Variants in TENT5B observed in about 807,000 individuals in gnomAD.
TENT5B encodes the protein terminal nucleotidyltransferase 5B, also known as family with sequence similarity 46 member B.
In TENT5B, 12 loss-of-function variants were observed where a neutral mutation model predicts 21.7. The ratio of observed to expected loss-of-function variants is 0.55; its 90% CI spans 0.36 to 0.90. TENT5B has a LOEUF of 0.90. Among genes scored for constraint, TENT5B ranks in the 40% least tolerant of loss-of-function variants. TENT5B has a pLI of 0.01. For missense variants in TENT5B, 540 were observed against 601.5 expected (o/e 0.90, Z 1.07); for synonymous variants, 262 against 266.6 (o/e 0.98, Z 0.17).
intron 1 of TENT5B, among the ~76,000 whole-genome samples, chr1:27,007,997 C>T (rs1299913436): frequency 3.9e-5 from 6 of 152,088 alleles, no homozygotes; most frequent in African/African-American, 1.4e-4. Context: ...CTTACAAGGA[C>T]CCAGTGAGGC....
chr1:27,008,175 A>G (rs1364259914), intron 1 of TENT5B, among the ~76,000 whole-genome samples: 1 of 152,164 alleles, frequency 6.6e-6, no homozygotes, highest in Non-Finnish European at 1.5e-5. Context: ...GGTAGGGAGA[A>G]GAGTGAAGCT....
chr1:27,011,353 G>A (rs961102972), intron 1 of TENT5B, among the ~76,000 whole-genome samples: 1 of 152,188 alleles, frequency 6.6e-6, no homozygotes, highest in African/African-American at 2.4e-5. Flanking sequence ...TGGCAGGAAC[G>A]CACAGGAGTC....
In TENT5B at chr1:27,006,141, C is replaced by G. The variant is rs764760352; in HGVS notation, c.1081G>C (p.Glu361Gln). ...ATGAGGTCCAGCGTCTGGCGGCGCT[C>G]GTGGTTCATGAGGCACACGGTGCTC... ...NESTVCLMNHERRQTLDLIAA... is the reference protein window; with the variant it reads ...NESTVCLMNHQRRQTLDLIAA... Residue 361 changes from glutamate to glutamine, a missense_variant, in exon 2 of 2, where the codon GAG becomes CAG. Coordinates refer to ENST00000289166, the MANE Select transcript of TENT5B (RefSeq NM_052943.4). This position sits in a 1 kb window ranked among gnomAD's most constrained non-coding sequence, Gnocchi z 9.4. 4 of 1,607,936 alleles carry G rather than the reference C, an allele frequency of 2.5e-6. No individual in the cohort carries two copies. Among genetic ancestry groups the G allele is most frequent in the African/African-American group, 1.3e-5 (1 of 74,976 alleles).
At chr1:27,007,046 C>A in intron 1 of TENT5B, 89 bp from the exon 2 acceptor site, 1 of 1,246,306 alleles carries the variant, frequency 8.0e-7, no homozygotes, top group Non-Finnish European at 1.1e-6. Context: ...GTAACTTCAA[C>A]CACTATTGGC....
chr1:27,012,660 G>T lies in TENT5B; in HGVS notation c.11C>A (p.Ser4Ter), dbSNP rs1428066175. 2.9e-5 allele frequency: 42 copies of T among 1,468,870 alleles called. No homozygotes were observed. Among genetic ancestry groups the T allele is most frequent in the Non-Finnish European group, 3.1e-5 (35 of 1,123,460 alleles). 91.0% of individuals were successfully genotyped at this position (1,468,870 alleles called of 1,614,324 possible). Residue 4 changes from serine to a stop codon, truncating the protein, a stop_gained, in exon 1 of 2, where the codon TCG (serine) becomes TAG (stop). Coordinates refer to ENST00000289166, the MANE Select transcript of TENT5B (RefSeq NM_052943.4). LOFTEE classifies it high-confidence loss of function. MMP[S>*]ESGAERRDRA... Reference sequence around the variant, plus strand: ...GTCCCTGCGCTCAGCTCCGCTCTCCGACGGCATCATCCGCCCGGCCCCCGG... The same window carrying T: ...GTCCCTGCGCTCAGCTCCGCTCTCCTACGGCATCATCCGCCCGGCCCCCGG...
intron 1 of TENT5B, among the ~76,000 whole-genome samples, chr1:27,008,189 G>A (rs1001747447): frequency 5.3e-5 from 8 of 152,074 alleles, no homozygotes; most frequent in Non-Finnish European, 1.2e-4. Flanking sequence ...TGAAGCTGGG[G>A]GTTGGGGACA....
intron 1 of TENT5B, among the ~76,000 whole-genome samples, chr1:27,009,136 A>C (rs1187722602): frequency 6.6e-6 from 1 of 151,044 alleles, no homozygotes; most frequent in African/African-American, 2.4e-5. Context: ...ACACCCAGCA[A>C]TTTTTTATTG....
chr1:27,010,642 C>T (rs2082619366), intron 1 of TENT5B, among the ~76,000 whole-genome samples: 1 of 152,192 alleles, frequency 6.6e-6, no homozygotes. Context: ...AGAGAATTGA[C>T]AACAAACAGT....
chr1:27,005,906 G>T lies in TENT5B; in HGVS notation c.*38C>A. 6.6e-7 allele frequency: 1 copy of T among 1,515,342 alleles called. No homozygotes were observed. The highest frequency in any genetic ancestry group is 1.3e-5 in the South Asian group (1 of 75,406). The allele number at this position is 1,515,342 out of a possible 1,614,324, so 93.9% of individuals were successfully genotyped here. A position where few individuals can be genotyped will look rare whatever the true frequency, so the allele number is the denominator to read the frequency against. Reference sequence around the variant, plus strand: ...ACTCTTGGAGGCCCCACCCCACCCCGTGAGGCCCAGTCCCTTCCCTTCTGG... The same window carrying T: ...ACTCTTGGAGGCCCCACCCCACCCCTTGAGGCCCAGTCCCTTCCCTTCTGG... On this transcript the variant is annotated 3_prime_UTR_variant, in exon 2 of 2. Transcript: ENST00000289166.
At chr1:27,010,861 G>A (rs550230679) in intron 1 of TENT5B, among the ~76,000 whole-genome samples, 27 of 152,342 alleles carry the variant, frequency 1.8e-4, no homozygotes, top group African/African-American at 6.5e-4. Flanking sequence ...TGGAGGCTGA[G>A]TCCTAGTCAC....
intron 1 of TENT5B, among the ~76,000 whole-genome samples, chr1:27,011,760 G>A (rs2082624466): frequency 1.3e-5 from 2 of 152,178 alleles, no homozygotes; most frequent in African/African-American, 4.8e-5. Flanking sequence ...TTCCAATCTT[G>A]GGAAGGAGAA....
At chr1:27,007,866 A>G (rs1175699508) in intron 1 of TENT5B, among the ~76,000 whole-genome samples, 2 of 152,180 alleles carry the variant, frequency 1.3e-5, no homozygotes. Context: ...GGAGGACCTC[A>G]GGTGCAGAGA....
chr1:27,012,710 G>C lies in TENT5B; in HGVS notation c.-40C>G. On this transcript the variant is annotated 5_prime_UTR_variant, in exon 1 of 2. Coordinates refer to ENST00000289166, the MANE Select transcript of TENT5B (RefSeq NM_052943.4). ...GGCCCCGACGGCAGAAACCGTGGGG[G>C]TGGTTAAGGGGAGGAGGACAGGGAG... The C allele has an allele frequency of 6.9e-7, 1 of 1,441,894 alleles. No individual in the cohort carries two copies. The highest frequency in any genetic ancestry group is 9.0e-7 in the Non-Finnish European group (1 of 1,111,784). The allele number at this position is 1,441,894 out of a possible 1,614,324, so 89.3% of individuals were successfully genotyped here. A position where few individuals can be genotyped will look rare whatever the true frequency, so the allele number is the denominator to read the frequency against.
intron 1 of TENT5B, among the ~76,000 whole-genome samples, chr1:27,012,015 C>A (rs1201799348): frequency 1.3e-5 from 2 of 152,244 alleles, no homozygotes; most frequent in East Asian, 1.9e-4. Context: ...TCCAGGGATG[C>A]CCAGATAGGG....
At chr1:27,010,884 G>T (rs570152975) in intron 1 of TENT5B, among the ~76,000 whole-genome samples, 1 of 152,302 alleles carries the variant, frequency 6.6e-6, no homozygotes, top group East Asian at 1.9e-4. Flanking sequence ...CTGTGCCCTT[G>T]GTTTCCTAAA....
chr1:27,006,625 G>C lies in TENT5B; in HGVS notation c.597C>G (p.Asn199Lys). 6.2e-7 allele frequency: 1 copy of C among 1,614,136 alleles called. No homozygotes were observed. The highest frequency in any genetic ancestry group is 1.1e-5 in the South Asian group (1 of 91,078). The change falls in exon 2 of 2, where the codon AAC (asparagine) becomes AAG (lysine). Residue 199 changes from asparagine to lysine, a missense_variant. Asn to Lys is a moderately conservative substitution (Grantham distance 94, BLOSUM62 0). Coordinates refer to ENST00000289166, the MANE Select transcript of TENT5B (RefSeq NM_052943.4). This position sits in a 1 kb window ranked among gnomAD's most constrained non-coding sequence, Gnocchi z 9.4. The stretch of plus-strand genomic sequence containing the variant: ...CCGAGTCCACAAACTTGAGCTCCAC[G>C]TTCTTGCCGCTCTTGTTGGACAGTG... ...LISLSNKSGK[N>K]VELKFVDSVR... is the part of the protein sequence containing the mutation.
Position 27,012,817 on chromosome 1 carries a change from C to T in TENT5B, c.-147G>A, listed in dbSNP as rs775762350. 7.3e-6 allele frequency: 8 copies of T among 1,092,736 alleles called. No homozygotes were observed. Among genetic ancestry groups the T allele is most frequent in the Middle Eastern group, 3.1e-4 (1 of 3,208 alleles). The allele number at this position is 1,092,736 out of a possible 1,614,324, so 67.7% of individuals were successfully genotyped here. On this transcript the variant is annotated 5_prime_UTR_variant, in exon 1 of 2. Coordinates refer to ENST00000289166, the MANE Select transcript of TENT5B (RefSeq NM_052943.4). Reference sequence around the variant, plus strand: ...ACGGCGAGACAAAGCCAGGGAACACCTCAGACGGCGACGACTAACCGACCC... The same window carrying T: ...ACGGCGAGACAAAGCCAGGGAACACTTCAGACGGCGACGACTAACCGACCC...
intron 1 of TENT5B, among the ~76,000 whole-genome samples, chr1:27,009,493 G>A (rs2082615117): frequency 6.6e-6 from 1 of 152,254 alleles, no homozygotes; most frequent in African/African-American, 2.4e-5. Context: ...CCCAGAGCCA[G>A]AATAGTTGGG....
Position 27,005,891 on chromosome 1 carries a change from GCCCCA to G in TENT5B, c.*48_*52del. ...TCATGTCCTCCACACACTCTTGGAG[GCCCCA>G]CCCCACCCCGTGAGGCCCAGTCCCT... On this transcript the variant is annotated 3_prime_UTR_variant, in exon 2 of 2. Coordinates refer to ENST00000289166, the MANE Select transcript of TENT5B (RefSeq NM_052943.4). 1.3e-6 allele frequency: 2 copies of G among 1,512,454 alleles called. No homozygotes were observed. Among genetic ancestry groups the G allele is most frequent in the Non-Finnish European group, 1.8e-6 (2 of 1,130,578 alleles). The allele number at this position is 1,512,454 out of a possible 1,614,324, so 93.7% of individuals were successfully genotyped here. A position where few individuals can be genotyped will look rare whatever the true frequency, so the allele number is the denominator to read the frequency against.
Sources: allele counts gnomAD v4.1 joint callset (sites outside exome capture counted in the v4.1 genomes callset), GRCh38; gene constraint gnomAD v4.1.1; non-coding constraint Gnocchi (gnomAD v3.1); transcripts MANE v1.5; gene names NCBI Gene and HGNC (gene_info 2026-07-23, HGNC 2026-07-21).